AP4S1: variants seen among roughly 807,000 people sequenced by gnomAD.
AP4S1 encodes the protein AP-4 complex subunit sigma-1.
AP4S1 carries 23 observed loss-of-function variants against 19.8 expected under a neutral mutation model. The observed-to-expected ratio is 1.16, with a 90% CI of 0.84 to 1.65. The LOEUF (loss-of-function observed/expected upper bound fraction) is 1.65, where lower values mean the gene tolerates loss of function less well. Ranked by LOEUF, AP4S1 falls within the 40% of genes most tolerant of loss-of-function variation. The pLI is 0.00. For synonymous variants in AP4S1, 46 were observed against 54.1 expected (o/e 0.85, Z 0.66); for missense variants, 166 against 172.8 (o/e 0.96, Z 0.22).
rs1253253320 is a variant in AP4S1, at chr14:31,095,898, A to C, written c.*2863A>C. 6.6e-6 allele frequency: 1 copy of C among 151,928 alleles called. No homozygotes were observed. Among genetic ancestry groups the C allele is most frequent in the Non-Finnish European group, 1.5e-5 (1 of 68,014 alleles). The allele number at this position is 151,928 out of a possible 1,614,324, so 9.4% of individuals were successfully genotyped here. On this transcript the variant is annotated 3_prime_UTR_variant, in exon 6 of 6. Transcript: ENST00000542754. ...CAGGAGTTCAAGACCAGCTTGGCCA[A>C]CATGGTGAGACCCTGTCTCTACTAA...
intron 5 of AP4S1, chr14:31,085,183 A>G (rs2139117355): frequency 1.7e-6 from 2 of 1,163,320 alleles, no homozygotes; most frequent in South Asian, 2.5e-5. Flanking sequence ...ACCAGCCCTC[A>G]CTATCTACTG....
At chr14:31,039,032 G>GA (rs1884941547) in intron 1 of AP4S1, among the ~76,000 whole-genome samples, 1 of 150,582 alleles carries the variant, frequency 6.6e-6, no homozygotes, top group Non-Finnish European at 1.5e-5. Context: ...GGTTTTTTGA[G>GA]ACGGTCTTGC....
At chr14:31,049,210 G>A (rs8019317) in intron 1 of AP4S1, among the ~76,000 whole-genome samples, 16,659 of 151,180 alleles carry the variant, frequency 0.11, 1,246 homozygotes, top group Non-Finnish European at 0.16. Flanking sequence ...TCAGGAGATC[G>A]AGACCATCCT....
At chr14:31,056,314 A>G (rs578132579) in intron 1 of AP4S1, among the ~76,000 whole-genome samples, 2 of 152,012 alleles carry the variant, frequency 1.3e-5, no homozygotes, top group African/African-American at 2.4e-5. Context: ...AGCTAATACT[A>G]TGGATGCATG....
At chr14:31,071,292 T>C (rs183085042) in intron 3 of AP4S1, among the ~76,000 whole-genome samples, 2 of 152,210 alleles carry the variant, frequency 1.3e-5, no homozygotes, top group East Asian at 3.9e-4. Flanking sequence ...GATAGAAAAA[T>C]GATGGCATGA....
At chr14:31,057,219 C>T (rs1374322535) in intron 1 of AP4S1, among the ~76,000 whole-genome samples, 1 of 152,148 alleles carries the variant, frequency 6.6e-6, no homozygotes, top group Non-Finnish European at 1.5e-5. Context: ...GATCAGTTTT[C>T]CCATCTACAA....
At chr14:31,058,927 TC>T (rs1423590711) in intron 1 of AP4S1, among the ~76,000 whole-genome samples, 2 of 152,004 alleles carry the variant, frequency 1.3e-5, no homozygotes, top group Non-Finnish European at 2.9e-5. Context: ...TCATACCTGC[TC>T]CCTGACCACT....
intron 1 of AP4S1, among the ~76,000 whole-genome samples, chr14:31,044,442 A>T (rs2139462360): frequency 6.6e-6 from 1 of 152,222 alleles, no homozygotes; most frequent in Non-Finnish European, 1.5e-5. Flanking sequence ...CCTGGGCTGA[A>T]GCCATCCTCC....
intron 4 of AP4S1, among the ~76,000 whole-genome samples, chr14:31,079,841 A>G (rs1221870896): frequency 1.3e-5 from 2 of 151,586 alleles, no homozygotes; most frequent in African/African-American, 4.8e-5. Flanking sequence ...ACTTTCTTGA[A>G]ATAAATAAAT....
intron 5 of AP4S1, chr14:31,085,872 G>A: frequency 1.0e-6 from 1 of 982,956 alleles, no homozygotes; most frequent in South Asian, 4.7e-5. Context: ...CTAAAGCTCT[G>A]GTGGGTTGTG....
intron 1 of AP4S1, among the ~76,000 whole-genome samples, chr14:31,028,319 G>A (rs1021586549): frequency 6.6e-6 from 1 of 151,914 alleles, no homozygotes; most frequent in Non-Finnish European, 1.5e-5. Flanking sequence ...TGGGACTCCA[G>A]GTGTGCATCC....
chr14:31,067,770 C>T lies in AP4S1; in HGVS notation c.138+1436C>T, dbSNP rs534018017. On this transcript the variant is annotated intron_variant, in intron 2 of 5. Coordinates refer to ENST00000542754, the MANE Select transcript of AP4S1 (RefSeq NM_001128126.3). ...CTGACCTCAAGTGATCTGCCTGCCT[C>T]GGCCTCCTAAAGTGCTGGAATTACA... 1.8e-3 allele frequency among the ~76,000 whole-genome samples: 272 copies of T among 151,676 alleles called. 2 individuals are homozygous for T. Among genetic ancestry groups the T allele is most frequent in the African/African-American group, 6.5e-3 (268 of 41,372 alleles).
At chr14:31,073,437 C>T (rs1224348331) in intron 4 of AP4S1, among the ~76,000 whole-genome samples, 7 of 140,812 alleles carry the variant, frequency 5.0e-5, no homozygotes, top group African/African-American at 1.5e-4. Flanking sequence ...TTGCAGTGAG[C>T]CGAGATCCCG....
rs766477779 is a variant in AP4S1, at chr14:31,084,758, G to GT, written c.306+4182dup. ...GACTTCAAATTTTATGAATTAAGGT[G>GT]TTTTTTTTAGGAACCAATTGATGAA... On this transcript the variant is annotated intron_variant, in intron 5 of 5. Transcript: ENST00000542754. 1,854 of 1,613,258 alleles carry GT rather than the reference G, an allele frequency of 1.1e-3. 7 individuals are homozygous for GT. The highest frequency in any genetic ancestry group is 9.7e-3 in the Middle Eastern group (59 of 6,058).
intron 1 of AP4S1, among the ~76,000 whole-genome samples, chr14:31,046,966 A>C (rs1223643437): frequency 6.6e-6 from 1 of 152,170 alleles, no homozygotes. Context: ...CATTCCCACC[A>C]GCAATGTATG....
intron 1 of AP4S1, 147 bp downstream of exon 1, chr14:31,025,934 C>T: frequency 6.2e-7 from 1 of 1,600,750 alleles, no homozygotes; most frequent in Non-Finnish European, 8.5e-7. Flanking sequence ...CCTCCCAGTG[C>T]GCCCGCTCCA....
intron 1 of AP4S1, among the ~76,000 whole-genome samples, chr14:31,059,930 AAT>A (rs577575338): frequency 6.8e-5 from 10 of 146,914 alleles, no homozygotes; most frequent in Non-Finnish European, 9.0e-5. Flanking sequence ...AGGACAAAAA[AAT>A]ATATATATAT....
chr14:31,082,724 G>A (rs112988345), intron 5 of AP4S1, among the ~76,000 whole-genome samples: 16,667 of 151,702 alleles, frequency 0.11, 1,190 homozygotes, highest in South Asian at 0.29. Flanking sequence ...GTGAAACCCC[G>A]TCTCTACTAA....
intron 1 of AP4S1, among the ~76,000 whole-genome samples, chr14:31,050,935 C>G (rs1442660004): frequency 1.3e-5 from 2 of 151,640 alleles, no homozygotes. Context: ...GTGAGAATGT[C>G]TCTCAAATTG....
Sources: allele counts gnomAD v4.1 joint callset (sites outside exome capture counted in the v4.1 genomes callset), GRCh38; gene constraint gnomAD v4.1.1; transcripts MANE v1.5; gene names NCBI Gene and HGNC (gene_info 2026-07-23, HGNC 2026-07-21).